The following MIGA2 variants were observed in gnomAD, a reference collection of about 807,000 sequenced individuals.
The protein encoded by MIGA2 is mitoguardin 2.
Under a neutral mutation model 69.9 loss-of-function variants are expected in MIGA2, and 36 were observed. The observed-to-expected ratio is 0.52, with a 90% confidence interval of 0.39 to 0.68. The LOEUF is 0.68. Among genes scored for constraint, MIGA2 ranks in the 30% least tolerant of loss-of-function variants. The probability of loss-of-function intolerance (pLI) is 0.00; values close to 1 mark genes in which losing one functional copy is unlikely to be tolerated. For missense variants in MIGA2, 660 were observed against 787.7 expected, an observed-to-expected ratio of 0.84 and a Z score of 1.94; for synonymous variants, 333 against 349.2, an observed-to-expected ratio of 0.95 and a Z score of 0.52.
In MIGA2 at chr9:129,061,493, A is replaced by G; in HGVS notation, c.1010+147A>G. 8 of 674,260 alleles carry G rather than the reference A, an allele frequency of 1.2e-5. No homozygotes were observed. The highest frequency in any genetic ancestry group is 2.0e-5 in the Non-Finnish European group (8 of 395,948). The allele number at this position is 674,260 out of a possible 1,614,324, so 41.8% of individuals were successfully genotyped here. A position where few individuals can be genotyped will look rare whatever the true frequency, so the allele number is the denominator to read the frequency against. ...CTGAGGGCCGTGGTGAGCTGGTGACAGCTCCTCCCCCAGCTGCAGAGGGCC... is the reference window on the plus strand; with the variant it reads ...CTGAGGGCCGTGGTGAGCTGGTGACGGCTCCTCCCCCAGCTGCAGAGGGCC... On this transcript the variant is annotated intron_variant, in intron 9 of 15. Coordinates refer to ENST00000684074, the MANE Select transcript of MIGA2 (RefSeq NM_001329990.2). The surrounding 1 kb of genome is among the most constrained non-coding windows in gnomAD (Gnocchi z 5.0).
chr9:129,053,141 G>T (rs577308573), intron 6 of MIGA2, among the ~76,000 whole-genome samples: 99 of 152,180 alleles, frequency 6.5e-4, no homozygotes, highest in Non-Finnish European at 1.1e-3. Flanking sequence ...GCCCATGGTT[G>T]TGTGGTGTGG....
chr9:129,066,403 A>G (rs536007692), intron 11 of MIGA2, among the ~76,000 whole-genome samples: 5 of 152,284 alleles, frequency 3.3e-5, no homozygotes, highest in East Asian at 3.9e-4. Flanking sequence ...GGCTGGGCGC[A>G]GTGGCTCACG....
Position 129,060,519 on chromosome 9 carries a change from C to G in MIGA2, c.794-31C>G, listed in dbSNP as rs752635915. The stretch of plus-strand genomic sequence containing the variant: ...CAGCTGAGCACTGTGTGGGGAGTCT[C>G]AGCCCCGCTTTCTCTCACTGCTCTT... On this transcript the variant is annotated intron_variant, in intron 7 of 15. Transcript: ENST00000684074. This position sits in a 1 kb window ranked among gnomAD's most constrained non-coding sequence, Gnocchi z 4.8. 2.7e-5 allele frequency: 42 copies of G among 1,538,150 alleles called. No homozygotes were observed. The highest frequency in any genetic ancestry group is 3.7e-5 in the Non-Finnish European group (42 of 1,132,068).
At position 129,049,439 on chromosome 9, in the gene MIGA2, G is replaced by T. The variant is rs751268279; in HGVS notation, c.479G>T (p.Arg160Ile). 2 of 1,613,430 alleles carry T rather than the reference G, an allele frequency of 1.2e-6. No homozygotes were observed. The highest frequency in any genetic ancestry group is 3.3e-5 in the Admixed American group (2 of 59,870). Reference sequence around the variant, plus strand: ...GCGTGCTCGGGACTATGGGATGCCAGAGGGATGGAGGAGTCTCTGACCACC... The same window carrying T: ...GCGTGCTCGGGACTATGGGATGCCATAGGGATGGAGGAGTCTCTGACCACC... ...TAACSGLWDA[R>I]GMEESLTTSD... Residue 160 changes from arginine (R) to isoleucine (I), a missense_variant, in exon 5 of 16, where the codon AGA becomes ATA. Around this residue, in one of 3 missense-constraint regions of MIGA2, gnomAD observed 386 missense variants for 402.0 expected, o/e 0.96. Transcript: ENST00000684074.
At chr9:129,067,400 C>T (rs1846417635) in intron 11 of MIGA2, 1 of 227,966 alleles carries the variant, frequency 4.4e-6, no homozygotes, top group South Asian at 7.5e-5. Context: ...CTAGAAGAGC[C>T]TCATCAGGGT....
intron 6 of MIGA2, among the ~76,000 whole-genome samples, chr9:129,052,028 G>A (rs1399218088): frequency 1.3e-5 from 2 of 151,884 alleles, no homozygotes; most frequent in Non-Finnish European, 2.9e-5. Context: ...GGGTTTCACT[G>A]TGTTAGCCAG....
chr9:129,046,715 G>A (rs770000127), intron 3 of MIGA2, among the ~76,000 whole-genome samples: 1 of 151,792 alleles, frequency 6.6e-6, no homozygotes, highest in Non-Finnish European at 1.5e-5. Flanking sequence ...CCAAAAGTTG[G>A]GATTACAGGT....
chr9:129,060,215 A>G lies in MIGA2; in HGVS notation c.794-335A>G, dbSNP rs1049527235. ...GATTTCCCCGGGGCCACACAGTTCA[A>G]GGTCCTCCCCCTGCAGAGCTTGGGC... On this transcript the variant is annotated intron_variant, in intron 7 of 15. Coordinates refer to ENST00000684074, the MANE Select transcript of MIGA2 (RefSeq NM_001329990.2). The surrounding 1 kb of genome is among the most constrained non-coding windows in gnomAD (Gnocchi z 4.8). Among the ~76,000 whole-genome samples, 7 of 152,124 alleles carry G rather than the reference A, an allele frequency of 4.6e-5. No homozygotes were observed. The highest frequency in any genetic ancestry group is 1.0e-4 in the Non-Finnish European group (7 of 68,014).
intron 3 of MIGA2, among the ~76,000 whole-genome samples, 170 bp from the exon 4 acceptor site, chr9:129,048,257 C>T (rs954055248): frequency 1.3e-5 from 2 of 152,214 alleles, no homozygotes; most frequent in African/African-American, 2.4e-5. Context: ...TGGAGGGCCC[C>T]GCGCTTTTCT....
chr9:129,039,142 G>A (rs1056889213), intron 1 of MIGA2, among the ~76,000 whole-genome samples: 3 of 150,110 alleles, frequency 2.0e-5, no homozygotes, highest in African/African-American at 7.4e-5. Flanking sequence ...AAAGAATGCA[G>A]CACAAAATAC....
chr9:129,037,871 C>T (rs985579809), intron 1 of MIGA2, among the ~76,000 whole-genome samples: 3 of 152,160 alleles, frequency 2.0e-5, no homozygotes, highest in African/African-American at 7.2e-5. Flanking sequence ...GCTTAGTACT[C>T]GGTGACCTCA....
In MIGA2 at chr9:129,059,348, G is replaced by C; in HGVS notation, c.793+77G>C. ...AGGTGAGGAGAAGTTGCGAGAACCG[G>C]GTCGTGGTTCTCTCAGTGCGTCCAA... is the stretch of plus-strand genomic sequence containing the variant. On this transcript the variant is annotated intron_variant, in intron 7 of 15. Transcript: ENST00000684074. This position sits in a 1 kb window ranked among gnomAD's most constrained non-coding sequence, Gnocchi z 5.6. The C allele has an allele frequency of 8.4e-7, 1 of 1,188,048 alleles. No homozygotes were observed. The highest frequency in any genetic ancestry group is 1.2e-6 in the Non-Finnish European group (1 of 828,672). 73.6% of individuals were successfully genotyped at this position (1,188,048 alleles called of 1,614,324 possible).
chr9:129,058,672 G>C (rs932817257), intron 6 of MIGA2, among the ~76,000 whole-genome samples: 3 of 151,740 alleles, frequency 2.0e-5, no homozygotes, highest in Admixed American at 6.6e-5. Context: ...GCTAATTTTT[G>C]TATTTTTAGT....
Position 129,070,270 on chromosome 9 carries a change from G to A in MIGA2, c.1599G>A (p.Arg533=). Residue 533 remains arginine, a synonymous_variant, in exon 16 of 16, where the codon AGG becomes AGA. Coordinates refer to ENST00000684074, the MANE Select transcript of MIGA2 (RefSeq NM_001329990.2). ...FFKHQIVQYL[R]DMFDLDNVRY... is the part of the protein sequence containing the mutation. ...AGCACCAGATTGTGCAGTACCTGAG[G>A]GACATGTTCGACCTGGACAATGTGC... is the stretch of plus-strand genomic sequence containing the variant. The A allele has an allele frequency of 1.2e-6, 2 of 1,613,048 alleles. No individual in the cohort carries two copies. Among genetic ancestry groups the A allele is most frequent in the Non-Finnish European group, 1.7e-6 (2 of 1,179,982 alleles).
intron 6 of MIGA2, among the ~76,000 whole-genome samples, chr9:129,054,443 G>A (rs1845696563): frequency 6.6e-6 from 1 of 152,164 alleles, no homozygotes; most frequent in Non-Finnish European, 1.5e-5. Flanking sequence ...CTGCAATAGA[G>A]TGAGACCCTG....
At position 129,049,401 on chromosome 9, in the gene MIGA2, C is replaced by T. The variant is rs546900212; in HGVS notation, c.441C>T (p.Ser147=). The change falls in exon 5 of 16, where the codon TCC becomes TCT. Residue 147 remains serine, a synonymous_variant. Coordinates refer to ENST00000684074, the MANE Select transcript of MIGA2 (RefSeq NM_001329990.2). ...SVASMMAVNS[S]SPTAACSGLW... ...CCCAGATGATGGCAGTGAACTCATC[C>T]AGCCCCACAGCCGCGTGCTCGGGAC... 3.0e-5 allele frequency: 49 copies of T among 1,613,370 alleles called. No individual in the cohort carries two copies. In the Middle Eastern group the frequency reaches 8.2e-4, roughly 27 times the overall value.
In MIGA2 at chr9:129,042,405, G is replaced by A. The variant is rs770451759; in HGVS notation, c.198G>A (p.Lys66=). The change falls in exon 3 of 16, where the codon AAG becomes AAA. Residue 66 remains lysine (K), a synonymous_variant. Coordinates refer to ENST00000684074, the MANE Select transcript of MIGA2 (RefSeq NM_001329990.2). ...TGGCCCTGGCTGCCCACCAGCTGAA[G>A]AGGCGACGGAGGAGGAAGAAGCAGG... The part of the protein sequence containing the change: ...VALALAAHQL[K]RRRRRKKQVG... The A allele has an allele frequency of 1.9e-6, 3 of 1,613,752 alleles. No individual in the cohort carries two copies. In the South Asian group the frequency reaches 3.3e-5, roughly 18 times the overall value.
In MIGA2 at chr9:129,068,334, T is replaced by C. The variant is rs1450047876; in HGVS notation, c.1404+2T>C. 1.9e-6 allele frequency: 3 copies of C among 1,602,248 alleles called. No homozygotes were observed. The highest frequency in any genetic ancestry group is 2.5e-6 in the Non-Finnish European group (3 of 1,178,292). On this transcript the variant is annotated splice_donor_variant, in intron 13 of 15. Coordinates refer to ENST00000684074, the MANE Select transcript of MIGA2 (RefSeq NM_001329990.2). LOFTEE classifies it high-confidence loss of function. This position sits in a 1 kb window ranked among gnomAD's most constrained non-coding sequence, Gnocchi z 4.1. ...CTGTCAGACAGCTTCAAGGAGACGG[T>C]GGGTCACTGCCCTGCTCTCAGACCC...
chr9:129,037,885 A>G (rs1351252993), intron 1 of MIGA2, among the ~76,000 whole-genome samples: 1 of 152,168 alleles, frequency 6.6e-6, no homozygotes. Flanking sequence ...GACCTCAGGC[A>G]GGCTGCCTCA....
Sources: allele counts gnomAD v4.1 joint callset (sites outside exome capture counted in the v4.1 genomes callset), GRCh38; gene constraint gnomAD v4.1.1; regional missense constraint gnomAD v4.1.1; non-coding constraint Gnocchi (gnomAD v3.1); transcripts MANE v1.5; gene names NCBI Gene and HGNC (gene_info 2026-07-23, HGNC 2026-07-21).